SEMA5A: variants seen among roughly 807,000 people sequenced by gnomAD.
SEMA5A encodes the protein semaphorin 5A, also known as semaphorin-5A.
In SEMA5A, 55 loss-of-function variants were observed where a neutral mutation model predicts 135.5. That is an observed-to-expected ratio of 0.41 (90% CI 0.33 to 0.51). The LOEUF is 0.51. SEMA5A is among the 20% of genes least tolerant of loss of function. The pLI is 0.37. For missense variants in SEMA5A, 1,290 were observed against 1,419.9 expected (o/e 0.91, Z 1.47); for synonymous variants, 580 against 546.5 (o/e 1.06, Z -0.85).
chr5:9,123,447 A>G (rs527568576), intron 13 of SEMA5A, among the ~76,000 whole-genome samples: 2 of 151,296 alleles, frequency 1.3e-5, no homozygotes, highest in East Asian at 3.9e-4. Context: ...GGGGAGGAGG[A>G]GGAAAGGAAG....
intron 5 of SEMA5A, among the ~76,000 whole-genome samples, chr5:9,316,757 T>C (rs1752411746): frequency 6.6e-6 from 1 of 152,204 alleles, no homozygotes; most frequent in Non-Finnish European, 1.5e-5. Flanking sequence ...CTAATTAATA[T>C]GCAGGTATCT....
In SEMA5A at chr5:9,224,863, C is replaced by A. The variant is rs1306946998; in HGVS notation, c.457G>T (p.Asp153Tyr). 1 of 1,613,266 alleles carries A rather than the reference C, an allele frequency of 6.2e-7. No homozygotes were observed. The highest frequency in any genetic ancestry group is 1.3e-5 in the African/African-American group (1 of 74,890). Residue 153 changes from aspartate to tyrosine, a missense_variant, in exon 8 of 23, where the codon GAT (aspartate) becomes TAT (tyrosine). Physicochemically the swap from Asp to Tyr is radical, Grantham distance 160. Around this residue, in one of 3 missense-constraint regions of SEMA5A, gnomAD observed 145 missense variants for 212.0 expected, o/e 0.68. Coordinates refer to ENST00000382496, the MANE Select transcript of SEMA5A (RefSeq NM_003966.3). ...RSLSNLTEIHDQISGMARCPY... is the reference protein window; with the variant it reads ...RSLSNLTEIHYQISGMARCPY... ...CAGCGGGCCATGCCACTGATCTGAT[C>A]ATGGATCTCAGTCAGGTTGCTCAAC...
intron 3 of SEMA5A, among the ~76,000 whole-genome samples, chr5:9,357,426 T>A (rs1754501644): frequency 6.6e-6 from 1 of 152,214 alleles, no homozygotes; most frequent in African/African-American, 2.4e-5. Flanking sequence ...GGGCTATAAT[T>A]AGCGAGAATT....
intron 12 of SEMA5A, among the ~76,000 whole-genome samples, chr5:9,140,480 T>C (rs1742005182): frequency 6.6e-6 from 1 of 152,186 alleles, no homozygotes. Flanking sequence ...TTGCTGGAAA[T>C]CTGGAGACCC....
intron 9 of SEMA5A, among the ~76,000 whole-genome samples, chr5:9,198,499 G>A (rs2150362117): frequency 6.6e-6 from 1 of 152,268 alleles, no homozygotes; most frequent in East Asian, 1.9e-4. Context: ...ATCTGTGGGT[G>A]AAGTAGACAG....
intron 13 of SEMA5A, among the ~76,000 whole-genome samples, chr5:9,126,267 T>C (rs1741105504): frequency 6.6e-6 from 1 of 151,990 alleles, no homozygotes; most frequent in African/African-American, 2.4e-5. Flanking sequence ...GAGCAATCCT[T>C]AGTTGAAGGG....
chr5:9,528,677 G>A (rs953793763), intron 1 of SEMA5A, among the ~76,000 whole-genome samples: 10 of 152,182 alleles, frequency 6.6e-5, no homozygotes, highest in African/African-American at 2.4e-4. Flanking sequence ...GCTACTGCAT[G>A]AGGCCCAAGG....
chr5:9,325,907 G>A (rs879339596), intron 4 of SEMA5A, among the ~76,000 whole-genome samples: 1 of 152,184 alleles, frequency 6.6e-6, no homozygotes, highest in Non-Finnish European at 1.5e-5. Flanking sequence ...AGGTAGATTT[G>A]TATTTTGTAC....
intron 6 of SEMA5A, among the ~76,000 whole-genome samples, chr5:9,230,376 C>T (rs1413722472): frequency 1.3e-5 from 2 of 152,008 alleles, no homozygotes; most frequent in Admixed American, 1.3e-4. Context: ...GTGTGATAAC[C>T]ATGGTAACCA....
chr5:9,154,660 T>C lies in SEMA5A; in HGVS notation c.1309A>G (p.Asn437Asp). 2 of 1,614,078 alleles carry C rather than the reference T, an allele frequency of 1.2e-6. No individual in the cohort carries two copies. Among genetic ancestry groups the C allele is most frequent in the Non-Finnish European group, 1.7e-6 (2 of 1,180,034 alleles). The change falls in exon 12 of 23, where the codon AAT (asparagine) becomes GAT (aspartate). Residue 437 changes from asparagine (N) to aspartate (D), a missense_variant. By Grantham distance (23) the Asn-to-Asp change is conservative. This residue lies in a region of SEMA5A where 1,029 missense variants were observed against 1,086.6 expected (regional missense o/e 0.95). Coordinates refer to ENST00000382496, the MANE Select transcript of SEMA5A (RefSeq NM_003966.3). ...AGCAAACAGCTGCTTGAGGTCTGAT[T>C]CAGGGGTACCCGCACTTTCTTAATG... ...GTIKKVRVPL[N>D]QTSSSCLLEE...
intron 16 of SEMA5A, among the ~76,000 whole-genome samples, chr5:9,106,061 C>A (rs7726052): frequency 1.3e-5 from 2 of 151,986 alleles, no homozygotes; most frequent in Non-Finnish European, 2.9e-5. Flanking sequence ...GGAGAAGACA[C>A]GTCAGAAGAA....
chr5:9,279,257 C>T (rs2150560083), intron 5 of SEMA5A, among the ~76,000 whole-genome samples: 1 of 152,280 alleles, frequency 6.6e-6, no homozygotes, highest in South Asian at 2.1e-4. Context: ...GATGGCCCTG[C>T]TGGGTTTTGG....
At chr5:9,231,494 T>A (rs1029508228) in intron 6 of SEMA5A, among the ~76,000 whole-genome samples, 106 of 107,084 alleles carry the variant, frequency 9.9e-4, no homozygotes, top group African/African-American at 1.9e-3. Context: ...AAAAAAAAAA[T>A]GGAAATGAGT....
chr5:9,337,939 T>C, intron 3 of SEMA5A, 127 bp from the exon 4 acceptor site: 1 of 617,446 alleles, frequency 1.6e-6, no homozygotes, highest in Non-Finnish European at 2.7e-6. Context: ...CTCTATGCCA[T>C]CTTTCAGAGG....
At chr5:9,240,472 T>A (rs1324349203) in intron 5 of SEMA5A, among the ~76,000 whole-genome samples, 1 of 151,934 alleles carries the variant, frequency 6.6e-6, no homozygotes, top group Admixed American at 6.6e-5. Context: ...TATACTAGAA[T>A]GGGATGCTCC....
chr5:9,162,550 A>ATGTGTG (rs201253805), intron 11 of SEMA5A, among the ~76,000 whole-genome samples: 4 of 51,704 alleles, frequency 7.7e-5, no homozygotes. Flanking sequence ...GTGTGTATAT[A>ATGTGTG]TGTGTGTGTG....
At chr5:9,390,913 T>C (rs1426913158) in intron 2 of SEMA5A, 1 of 152,202 alleles carries the variant, frequency 6.6e-6, no homozygotes, top group African/African-American at 2.4e-5. Flanking sequence ...AGATAAGTGT[T>C]CTCATTCCTT....
chr5:9,125,090 C>T (rs565408233), intron 13 of SEMA5A, among the ~76,000 whole-genome samples: 10 of 152,132 alleles, frequency 6.6e-5, no homozygotes, highest in African/African-American at 2.4e-4. Context: ...TTTGATACAT[C>T]ATTGACCCAA....
intron 5 of SEMA5A, among the ~76,000 whole-genome samples, chr5:9,256,988 T>C (rs918513084): frequency 6.6e-6 from 1 of 152,250 alleles, no homozygotes; most frequent in Non-Finnish European, 1.5e-5. Context: ...ATAAAATTGT[T>C]GTGAGATTTA....
Sources: allele counts gnomAD v4.1 joint callset (sites outside exome capture counted in the v4.1 genomes callset), GRCh38; gene constraint gnomAD v4.1.1; regional missense constraint gnomAD v4.1.1; transcripts MANE v1.5; gene names NCBI Gene and HGNC (gene_info 2026-07-23, HGNC 2026-07-21).